Variants in ZCCHC7 observed in about 807,000 individuals in gnomAD.
ZCCHC7 encodes the protein zinc finger CCHC domain-containing protein 7.
A neutral mutation model predicts 52.0 loss-of-function variants in ZCCHC7; 35 were observed. That is an observed-to-expected ratio of 0.67 (90% CI 0.51 to 0.89). The LOEUF is 0.89. Ranked by LOEUF, ZCCHC7 falls within the 40% of genes least tolerant of loss-of-function variation. The pLI is 0.00. For synonymous variants in ZCCHC7, 217 were observed against 221.5 expected (o/e 0.98, Z 0.18); for missense variants, 574 against 649.1 (o/e 0.88, Z 1.26).
chr9:37,186,956 G>A, intron 2 of ZCCHC7: 1 of 289,812 alleles, frequency 3.5e-6, no homozygotes, highest in East Asian at 5.4e-5. Flanking sequence ...TTTCTGTCAC[G>A]AATATCTTGT....
chr9:37,151,808 GA>G (rs912813938), intron 2 of ZCCHC7, among the ~76,000 whole-genome samples: 4 of 149,244 alleles, frequency 2.7e-5, no homozygotes, highest in African/African-American at 7.4e-5. Context: ...CCATCTCAAA[GA>G]AAAAAAAAAT....
At chr9:37,268,042 G>A (rs935960798) in intron 2 of ZCCHC7, among the ~76,000 whole-genome samples, 3 of 152,114 alleles carry the variant, frequency 2.0e-5, no homozygotes, top group Admixed American at 6.5e-5. Context: ...ATCAACCCAA[G>A]ATTCTCTTTC....
chr9:37,317,290 T>C (rs780424008), intron 5 of ZCCHC7, among the ~76,000 whole-genome samples: 71 of 152,210 alleles, frequency 4.7e-4, no homozygotes, highest in Non-Finnish European at 8.8e-4. Flanking sequence ...AAAAAGATGA[T>C]ACAATCTGTT....
intron 2 of ZCCHC7, among the ~76,000 whole-genome samples, chr9:37,175,826 GTCTTGCAGACCATATGA>G (rs1821993757): frequency 6.6e-6 from 1 of 152,110 alleles, no homozygotes; most frequent in South Asian, 2.1e-4. Flanking sequence ...AGAATTGTCT[GTCTTGCAGACCATATGA>G]TCTGACCAGC....
At chr9:37,208,702 A>G (rs778778351) in intron 2 of ZCCHC7, among the ~76,000 whole-genome samples, 3 of 152,314 alleles carry the variant, frequency 2.0e-5, no homozygotes, top group Non-Finnish European at 2.9e-5. Context: ...CTTCTTACCC[A>G]TCTACTCTGC....
intron 2 of ZCCHC7, among the ~76,000 whole-genome samples, chr9:37,243,069 C>G (rs1462137891): frequency 6.6e-6 from 1 of 151,472 alleles, no homozygotes; most frequent in African/African-American, 2.4e-5. Flanking sequence ...AACCAAAATG[C>G]CCAGATTATT....
At chr9:37,161,755 A>G (rs940981625) in intron 2 of ZCCHC7, among the ~76,000 whole-genome samples, 1 of 152,218 alleles carries the variant, frequency 6.6e-6, no homozygotes, top group African/African-American at 2.4e-5. Flanking sequence ...TCAGATCGTC[A>G]TAGCTACATA....
intron 2 of ZCCHC7, among the ~76,000 whole-genome samples, chr9:37,169,121 C>T (rs143542865): frequency 3.9e-5 from 6 of 152,188 alleles, no homozygotes; most frequent in African/African-American, 1.2e-4. Flanking sequence ...CTGGAATGCC[C>T]AATTTTAAGT....
intron 2 of ZCCHC7, among the ~76,000 whole-genome samples, chr9:37,268,945 G>T (rs932063959): frequency 2.1e-4 from 32 of 152,342 alleles, no homozygotes; most frequent in African/African-American, 7.7e-4. Context: ...GTATGAGAGT[G>T]TATAATATTC....
intron 2 of ZCCHC7, among the ~76,000 whole-genome samples, chr9:37,276,742 T>C (rs1249697348): frequency 2.0e-5 from 3 of 152,184 alleles, no homozygotes; most frequent in African/African-American, 7.2e-5. Flanking sequence ...CATAATTAAT[T>C]TGCCCAGAGA....
intron 6 of ZCCHC7, among the ~76,000 whole-genome samples, chr9:37,334,667 T>C (rs1433332262): frequency 6.6e-6 from 1 of 152,040 alleles, no homozygotes; most frequent in Non-Finnish European, 1.5e-5. Context: ...AAGGGTGTTA[T>C]GTGTGGGTTT....
chr9:37,266,922 G>A (rs1324039984), intron 2 of ZCCHC7, among the ~76,000 whole-genome samples: 1 of 152,156 alleles, frequency 6.6e-6, no homozygotes, highest in African/African-American at 2.4e-5. Context: ...GTGTTATTTG[G>A]AAGATAACTT....
At chr9:37,338,454 C>G (rs1830782528) in intron 6 of ZCCHC7, among the ~76,000 whole-genome samples, 1 of 152,180 alleles carries the variant, frequency 6.6e-6, no homozygotes, top group African/African-American at 2.4e-5. Flanking sequence ...CATAAGTATA[C>G]AAACATAAAG....
chr9:37,151,139 T>G (rs1820499465), intron 2 of ZCCHC7, among the ~76,000 whole-genome samples: 1 of 151,980 alleles, frequency 6.6e-6, no homozygotes, highest in Non-Finnish European at 1.5e-5. Context: ...TAATTTTTTT[T>G]GTATTTTTAG....
At chr9:37,170,562 T>C (rs1821674272) in intron 2 of ZCCHC7, among the ~76,000 whole-genome samples, 1 of 152,206 alleles carries the variant, frequency 6.6e-6, no homozygotes, top group Non-Finnish European at 1.5e-5. Context: ...TTTTGTTCTC[T>C]AGGGTTGGTA....
chr9:37,256,617 CTT>C (rs1306298958), intron 2 of ZCCHC7, among the ~76,000 whole-genome samples: 1 of 152,062 alleles, frequency 6.6e-6, no homozygotes, highest in African/African-American at 2.4e-5. Flanking sequence ...TAGTACATGT[CTT>C]TGAATATTCT....
At chr9:37,281,714 GA>G (rs1332288908) in intron 2 of ZCCHC7, among the ~76,000 whole-genome samples, 1 of 152,164 alleles carries the variant, frequency 6.6e-6, no homozygotes, top group Non-Finnish European at 1.5e-5. Context: ...CTAAGGGAAG[GA>G]AATGCTTAAG....
At chr9:37,142,894 A>AAAT (rs960657749) in intron 2 of ZCCHC7, among the ~76,000 whole-genome samples, 2 of 151,842 alleles carry the variant, frequency 1.3e-5, no homozygotes, top group African/African-American at 4.8e-5. Flanking sequence ...ACAGCTTTAA[A>AAAT]AATAACAAGG....
intron 5 of ZCCHC7, among the ~76,000 whole-genome samples, chr9:37,309,283 C>T (rs982517467): frequency 6.6e-6 from 1 of 152,082 alleles, no homozygotes; most frequent in African/African-American, 2.4e-5. Flanking sequence ...ACATGGAAGC[C>T]GAGTCATTCT....
Sources: gnomAD v4.1 joint callset for allele counts (sites outside exome capture counted in the v4.1 genomes callset) on GRCh38, gnomAD v4.1.1 for gene constraint, MANE v1.5 for transcripts, NCBI Gene and HGNC (gene_info 2026-07-23, HGNC 2026-07-21) for gene names.